DPYSL4: variants seen among roughly 807,000 people sequenced by gnomAD.
The protein encoded by DPYSL4 is dihydropyrimidinase-related protein 4.
A neutral mutation model predicts 63.4 loss-of-function variants in DPYSL4; 43 were observed. The ratio of observed to expected loss-of-function variants is 0.68; its 90% CI spans 0.53 to 0.88. The LOEUF is 0.88. DPYSL4 is among the 40% of genes least tolerant of loss of function. The probability of loss-of-function intolerance (pLI) is 0.00; values close to 1 mark genes in which losing one functional copy is unlikely to be tolerated. For synonymous variants in DPYSL4, 353 were observed against 331.7 expected (o/e 1.06, Z -0.70); for missense variants, 733 against 819.5 (o/e 0.89, Z 1.29).
rs1296127569 is a variant in DPYSL4, at chr10:132,194,784, G to GGAGGCAGAGGTGGGAACCA, written c.314-59_314-41dup. On this transcript the variant is annotated intron_variant, in intron 3 of 13. Transcript: ENST00000338492. ...AACATGAAACAGAATCTCCCATGGA[G>GGAGGCAGAGGTGGGAACCA]GAGGCAGAGGTGGGAACCAGGGACC... 5.1e-6 allele frequency: 8 copies of GGAGGCAGAGGTGGGAACCA among 1,577,928 alleles called. No homozygotes were observed. The African/African-American group carries it at 6.7e-5, about 13-fold the overall frequency.
At chr10:132,198,797 G>C in intron 7 of DPYSL4, 54 bp from the exon 8 acceptor site, 1 of 1,603,088 alleles carries the variant, frequency 6.2e-7, no homozygotes, top group Non-Finnish European at 8.5e-7. Context: ...TGCCCACACT[G>C]GTCTGGAGCC....
intron 2 of DPYSL4, among the ~76,000 whole-genome samples, chr10:132,191,967 C>T (rs950516205): frequency 2.2e-5 from 3 of 135,826 alleles, no homozygotes; most frequent in Non-Finnish European, 4.7e-5. Context: ...GTTCCCAGCT[C>T]GTGTGTACAC....
In DPYSL4 at chr10:132,197,054, G is replaced by C; in HGVS notation, c.574G>C (p.Gly192Arg). Residue 192 changes from glycine to arginine, a missense_variant, in exon 6 of 14, where the codon GGG (glycine) becomes CGG (arginine). Transcript: ENST00000338492. ...YEIFSIIRDLGALAQVHAENG... is the reference protein window; with the variant it reads ...YEIFSIIRDLRALAQVHAENG... ...GATCTTCAGCATCATCCGGGACCTG[G>C]GGGCCTTGGCCCAGGTGCACGCTGA... 5 of 1,582,620 alleles carry C rather than the reference G, an allele frequency of 3.2e-6. No homozygotes were observed. Among genetic ancestry groups the C allele is most frequent in the Non-Finnish European group, 4.3e-6 (5 of 1,162,692 alleles).
At position 132,194,919 on chromosome 10, in the gene DPYSL4, G is replaced by A. The variant is rs199857221; in HGVS notation, c.388G>A (p.Ala130Thr). Residue 130 changes from alanine (A) to threonine (T), a missense_variant, in exon 4 of 14, where the codon GCG becomes ACG. Physicochemically the swap from Ala to Thr is moderately conservative, Grantham distance 58. Coordinates refer to ENST00000338492, the MANE Select transcript of DPYSL4 (RefSeq NM_006426.3). ...YEQWRERADS[A>T]ACCDYSLHVD... ...GCAGTGGCGGGAGCGGGCGGACAGC[G>A]CGGCCTGCTGCGACTACTCCCTGCA... The A allele has an allele frequency of 1.4e-4, 225 of 1,612,456 alleles. No individual in the cohort carries two copies. The highest frequency in any genetic ancestry group is 1.7e-4 in the Non-Finnish European group (204 of 1,179,930).
chr10:132,202,123 G>C lies in DPYSL4; in HGVS notation c.1281+7G>C. 6.2e-7 allele frequency: 1 copy of C among 1,609,516 alleles called. No individual in the cohort carries two copies. Among genetic ancestry groups the C allele is most frequent in the African/African-American group, 1.3e-5 (1 of 74,936 alleles). On this transcript the variant is annotated splice_region_variant and intron_variant, in intron 11 of 13. Coordinates refer to ENST00000338492, the MANE Select transcript of DPYSL4 (RefSeq NM_006426.3). ...TGCCAAGACCCACAATCTGGTAAGA[G>C]AAGGCGGCTGTAAGTCAGGGTTGGC...
chr10:132,200,535 C>T (rs1296742796), intron 9 of DPYSL4, 23 bp downstream of exon 9: 1 of 1,610,934 alleles, frequency 6.2e-7, no homozygotes, highest in Non-Finnish European at 8.5e-7. Flanking sequence ...TCCAGGTGGC[C>T]CCAGGTTGGC....
chr10:132,200,595 T>C, intron 9 of DPYSL4, 83 bp downstream of exon 9: 1 of 1,535,556 alleles, frequency 6.5e-7, no homozygotes, highest in Non-Finnish European at 8.8e-7. Flanking sequence ...CCCAGGCCTC[T>C]CCCACGGCTC....
In DPYSL4 at chr10:132,204,814, C is replaced by T. The variant is rs1417312358; in HGVS notation, c.1628-25C>T. ...GCCCCTGCCCCTGCCTCATTCTCCC[C>T]TGCCCATCTGTGCCCTTTCTTCAGG... On this transcript the variant is annotated intron_variant, in intron 13 of 13. Coordinates refer to ENST00000338492, the MANE Select transcript of DPYSL4 (RefSeq NM_006426.3). 3.1e-6 allele frequency: 5 copies of T among 1,589,724 alleles called. No homozygotes were observed. In the Admixed American group the frequency reaches 8.7e-5, roughly 28 times the overall value.
chr10:132,190,687 C>A, intron 1 of DPYSL4, 60 bp from the exon 2 acceptor site: 1 of 1,510,752 alleles, frequency 6.6e-7, no homozygotes. Context: ...AGGAGTTGCA[C>A]CAAGAGTGTT....
At chr10:132,200,752 C>T (rs2062003377) in intron 9 of DPYSL4, 90 bp from the exon 10 acceptor site, 2 of 1,525,698 alleles carry the variant, frequency 1.3e-6, no homozygotes, top group Non-Finnish European at 1.8e-6. Flanking sequence ...CCTCTAGCCC[C>T]TGCGGCTGTG....
chr10:132,196,633 C>T (rs1049014772), intron 4 of DPYSL4, among the ~76,000 whole-genome samples: 1 of 152,242 alleles, frequency 6.6e-6, no homozygotes, highest in African/African-American at 2.4e-5. Flanking sequence ...ACCCGGAGCA[C>T]AGGAGCAGGC....
chr10:132,198,422 A>G lies in DPYSL4; in HGVS notation c.629A>G (p.Lys210Arg). The G allele has an allele frequency of 1.9e-6, 3 of 1,606,356 alleles. No homozygotes were observed. Among genetic ancestry groups the G allele is most frequent in the Non-Finnish European group, 2.5e-6 (3 of 1,177,786 alleles). Residue 210 changes from lysine to arginine, a missense_variant, in exon 7 of 14, where the codon AAG (lysine) becomes AGG (arginine). Coordinates refer to ENST00000338492, the MANE Select transcript of DPYSL4 (RefSeq NM_006426.3). ...TCCTGTTGGTTTCTTTAGGAGCAGA[A>G]GCGGTTGCTGGAGCTCGGCATCACT... is the stretch of plus-strand genomic sequence containing the variant. ...ENGDIVEEEQKRLLELGITGP... is the reference protein window; with the variant it reads ...ENGDIVEEEQRRLLELGITGP...
At chr10:132,199,542 C>G (rs1395442639) in intron 8 of DPYSL4, among the ~76,000 whole-genome samples, 2 of 152,108 alleles carry the variant, frequency 1.3e-5, no homozygotes, top group African/African-American at 4.8e-5. Flanking sequence ...GGCACAGAAC[C>G]CAGGTGACGG....
chr10:132,189,115 G>T, intron 1 of DPYSL4, among the ~76,000 whole-genome samples: 1 of 152,220 alleles, frequency 6.6e-6, no homozygotes. Flanking sequence ...GAAGGCTCTA[G>T]CCCCAGGCTA....
At position 132,190,832 on chromosome 10, in the gene DPYSL4, T is replaced by C. The variant is rs1402158914; in HGVS notation, c.125T>C (p.Ile42Thr). 3.1e-6 allele frequency: 5 copies of C among 1,612,710 alleles called. No homozygotes were observed. Among genetic ancestry groups the C allele is most frequent in the Admixed American group, 1.7e-5 (1 of 59,988 alleles). Residue 42 changes from isoleucine (I) to threonine (T), a missense_variant, in exon 2 of 14, where the codon ATA (isoleucine) becomes ACA (threonine). Coordinates refer to ENST00000338492, the MANE Select transcript of DPYSL4 (RefSeq NM_006426.3). ...YADVHVEDGLIKQIGENLIVP... is the reference protein window; with the variant it reads ...YADVHVEDGLTKQIGENLIVP... ...GATGTGCACGTGGAAGATGGCTTGA[T>C]AAAGTAAGTTTCCGCCGAAAATGAA...
chr10:132,202,544 C>T (rs1421304997), intron 11 of DPYSL4, 102 bp from the exon 12 acceptor site: 15 of 1,468,754 alleles, frequency 1.0e-5, no homozygotes, highest in Non-Finnish European at 1.4e-5. Flanking sequence ...GCACACCGGG[C>T]CTGCTCCACG....
intron 1 of DPYSL4, among the ~76,000 whole-genome samples, chr10:132,189,623 T>TCACCCCCAC (rs2061848458): frequency 4.0e-5 from 6 of 148,988 alleles, no homozygotes; most frequent in Non-Finnish European, 9.1e-5. Context: ...ATCACCCCCA[T>TCACCCCCAC]GGCCTCTTGG....
At chr10:132,192,234 T>C (rs1169478409) in intron 2 of DPYSL4, 2 of 852,694 alleles carry the variant, frequency 2.3e-6, no homozygotes, top group Non-Finnish European at 1.4e-6. Flanking sequence ...GTTGGGTGGC[T>C]GTGGGCGAAA....
At chr10:132,200,721 C>T (rs910668194) in intron 9 of DPYSL4, 121 bp from the exon 10 acceptor site, 5 of 1,405,172 alleles carry the variant, frequency 3.6e-6, no homozygotes, top group African/African-American at 2.9e-5. Context: ...CAGCTCTGCC[C>T]AGCGAGAGCC....
Sources: gnomAD v4.1 joint callset for allele counts (sites outside exome capture counted in the v4.1 genomes callset) on GRCh38, gnomAD v4.1.1 for gene constraint, MANE v1.5 for transcripts, NCBI Gene and HGNC (gene_info 2026-07-23, HGNC 2026-07-21) for gene names.